The following SOX5 variants were observed in gnomAD, a reference collection of about 807,000 sequenced individuals.
SOX5 encodes the protein transcription factor SOX-5.
SOX5 carries 9 observed loss-of-function variants against 92.0 expected under a neutral mutation model. The ratio of observed to expected loss-of-function variants is 0.10; its 90% CI spans 0.06 to 0.17. SOX5 has a LOEUF of 0.17. Among genes scored for constraint, SOX5 ranks in the 10% least tolerant of loss-of-function variants. SOX5 has a pLI of 1.00. For missense variants in SOX5, 642 were observed against 944.5 expected (o/e 0.68, Z 4.20); for synonymous variants, 344 against 336.3 (o/e 1.02, Z -0.25).
At chr12:23,778,381 A>G (rs1439903715) in intron 3 of SOX5, among the ~76,000 whole-genome samples, 1 of 152,204 alleles carries the variant, frequency 6.6e-6, no homozygotes, top group African/African-American at 2.4e-5. Flanking sequence ...TTATAAGCTA[A>G]AAGGAGTTTC....
intron 4 of SOX5, among the ~76,000 whole-genome samples, chr12:23,984,756 G>C (rs1285523734): frequency 6.6e-6 from 1 of 152,108 alleles, no homozygotes; most frequent in Non-Finnish European, 1.5e-5. Context: ...CATTTTATTA[G>C]CACTAAATGC....
intron 2 of SOX5, among the ~76,000 whole-genome samples, chr12:23,848,243 A>T (rs1465186779): frequency 6.6e-6 from 1 of 152,202 alleles, no homozygotes; most frequent in East Asian, 1.9e-4. Flanking sequence ...TGAAAATTAC[A>T]ATGAAATCAA....
chr12:24,402,698 T>C (rs1344950000), intron 1 of SOX5, among the ~76,000 whole-genome samples: 2 of 152,130 alleles, frequency 1.3e-5, no homozygotes, highest in African/African-American at 2.4e-5. Context: ...TGTAGCAGTA[T>C]AAAAAAAGAA....
At chr12:24,008,926 G>A (rs1422852545) in intron 4 of SOX5, among the ~76,000 whole-genome samples, 1 of 152,154 alleles carries the variant, frequency 6.6e-6, no homozygotes, top group Non-Finnish European at 1.5e-5. Flanking sequence ...CCAAGGCTAG[G>A]TCATAATACA....
intron 1 of SOX5, among the ~76,000 whole-genome samples, chr12:24,438,742 T>C (rs1313382503): frequency 1.3e-5 from 2 of 152,236 alleles, no homozygotes; most frequent in Non-Finnish European, 2.9e-5. Context: ...AGCCTGAAGA[T>C]GCAACTGAAT....
intron 14 of SOX5, 43 bp from the exon 15 acceptor site, chr12:23,534,565 A>G: frequency 6.6e-7 from 1 of 1,511,992 alleles, no homozygotes; most frequent in Non-Finnish European, 9.1e-7. Context: ...TGGGTAAGTG[A>G]ATAGTTAGAT....
chr12:24,263,358 T>C (rs954804468), intron 3 of SOX5, among the ~76,000 whole-genome samples: 2 of 151,242 alleles, frequency 1.3e-5, no homozygotes, highest in Non-Finnish European at 3.0e-5. Context: ...AAACCCCGTC[T>C]CTACTAAAAA....
intron 3 of SOX5, among the ~76,000 whole-genome samples, chr12:24,224,442 T>C (rs1961387397): frequency 6.6e-6 from 1 of 152,196 alleles, no homozygotes; most frequent in African/African-American, 2.4e-5. Context: ...TATTTTTGCT[T>C]AATATTGAAA....
chr12:23,940,687 CA>C (rs1177292033), intron 1 of SOX5, among the ~76,000 whole-genome samples: 6 of 150,168 alleles, frequency 4.0e-5, no homozygotes, highest in Non-Finnish European at 8.9e-5. Flanking sequence ...AAGATACTGG[CA>C]AATATAAATC....
intron 4 of SOX5, among the ~76,000 whole-genome samples, chr12:24,109,138 A>T (rs1165979680): frequency 2.0e-5 from 3 of 152,178 alleles, no homozygotes; most frequent in Non-Finnish European, 4.4e-5. Flanking sequence ...TACTATAAAT[A>T]GATACCTTGT....
chr12:24,079,014 C>T (rs937366097), intron 4 of SOX5, among the ~76,000 whole-genome samples: 1 of 151,670 alleles, frequency 6.6e-6, no homozygotes, highest in Non-Finnish European at 1.5e-5. Context: ...TTTTTTACAC[C>T]TGATGATACA....
At chr12:24,007,163 ATTTATATATGTATTT>A (rs1952311381) in intron 4 of SOX5, among the ~76,000 whole-genome samples, 2 of 27,710 alleles carry the variant, frequency 7.2e-5, no homozygotes, top group Middle Eastern at 0.012. Flanking sequence ...ATATATATAC[ATTTATATATGTATTT>A]ATATATATAA....
At chr12:23,855,350 T>C (rs1215168770) in intron 2 of SOX5, among the ~76,000 whole-genome samples, 1 of 152,110 alleles carries the variant, frequency 6.6e-6, no homozygotes, top group Non-Finnish European at 1.5e-5. Context: ...TTTACCTCTG[T>C]TGCATATTCA....
At chr12:24,230,667 G>A (rs1963190545) in intron 3 of SOX5, 1 of 152,206 alleles carries the variant, frequency 6.6e-6, no homozygotes, top group African/African-American at 2.4e-5. Context: ...TTACACTTAA[G>A]ATCAGGGTTC....
At chr12:24,439,053 G>C (rs949216819) in intron 1 of SOX5, among the ~76,000 whole-genome samples, 2 of 152,164 alleles carry the variant, frequency 1.3e-5, no homozygotes, top group Admixed American at 1.3e-4. Context: ...CTTAGGTTAA[G>C]AAATTGTCAC....
At chr12:24,452,656 C>G (rs1168189454) in intron 1 of SOX5, among the ~76,000 whole-genome samples, 1 of 152,034 alleles carries the variant, frequency 6.6e-6, no homozygotes, top group Admixed American at 6.6e-5. Flanking sequence ...AAGGCTTTAG[C>G]TATAAGAGAA....
chr12:24,263,300 G>T (rs1374904226), intron 3 of SOX5, among the ~76,000 whole-genome samples: 3 of 151,732 alleles, frequency 2.0e-5, no homozygotes, highest in Non-Finnish European at 4.4e-5. Context: ...GGCCCAGGTG[G>T]GTGGATCATG....
chr12:24,241,371 A>G (rs1458173954), intron 3 of SOX5, among the ~76,000 whole-genome samples: 2 of 152,180 alleles, frequency 1.3e-5, no homozygotes, highest in African/African-American at 2.4e-5. Flanking sequence ...GTGATCTTTC[A>G]GTGAGAATTT....
In SOX5 at chr12:23,865,064, C is replaced by G. The variant is rs145319022; in HGVS notation, c.271-18871G>C. Among the ~76,000 whole-genome samples, 25 of 152,298 alleles carry G rather than the reference C, an allele frequency of 1.6e-4. No individual in the cohort carries two copies. The East Asian group carries it at 4.1e-3, about 25-fold the overall frequency. On this transcript the variant is annotated intron_variant, in intron 2 of 14. Coordinates refer to ENST00000451604, the MANE Select transcript of SOX5 (RefSeq NM_006940.6). ...TTGAAGCCAATGTTTATTTACCATT[C>G]TGAAAATGCTAGGGCCCTAAAGAAT...
Sources: gnomAD v4.1 joint callset for allele counts (sites outside exome capture counted in the v4.1 genomes callset) on GRCh38, gnomAD v4.1.1 for gene constraint, MANE v1.5 for transcripts, NCBI Gene and HGNC (gene_info 2026-07-23, HGNC 2026-07-21) for gene names.